LRRIQ1: variants seen among roughly 807,000 people sequenced by gnomAD.
LRRIQ1 encodes leucine-rich repeat- and IQ domain-containing protein 1.
LRRIQ1 carries 210 observed loss-of-function variants against 211.9 expected under a neutral mutation model. The observed-to-expected ratio is 0.99, with a 90% CI of 0.89 to 1.11. LRRIQ1 has a LOEUF of 1.11. LRRIQ1 is among the 50% of genes most tolerant of loss of function. The pLI is 0.00. For missense variants in LRRIQ1, 2,136 were observed against 1,939.5 expected, an observed-to-expected ratio of 1.10 and a Z score of -1.90; for synonymous variants, 699 against 650.1, an observed-to-expected ratio of 1.08 and a Z score of -1.14.
chr12:85,098,401 C>T lies in LRRIQ1; in HGVS notation c.2934C>T (p.His978=). The T allele has an allele frequency of 6.2e-7, 1 of 1,609,570 alleles. No individual in the cohort carries two copies. The highest frequency in any genetic ancestry group is 8.5e-7 in the Non-Finnish European group (1 of 1,177,996). The change falls in exon 12 of 27, where the codon CAC becomes CAT. Residue 978 remains histidine (H), a synonymous_variant. Transcript: ENST00000393217. ...LKNLQQLILD[H]NQLINTKGLC... ...ATCTTCAACAACTAATTTTGGACCACAATCAGTTAATTAATACAAAAGGTC... is the reference window on the plus strand; with the variant it reads ...ATCTTCAACAACTAATTTTGGACCATAATCAGTTAATTAATACAAAAGGTC...
At chr12:85,208,469 A>G (rs1303465597) in intron 24 of LRRIQ1, among the ~76,000 whole-genome samples, 1 of 152,134 alleles carries the variant, frequency 6.6e-6, no homozygotes, top group Non-Finnish European at 1.5e-5. Flanking sequence ...ATCTCAGGAA[A>G]TAAGCCACAA....
At chr12:85,153,367 ATG>A (rs1890353631) in intron 21 of LRRIQ1, among the ~76,000 whole-genome samples, 1 of 151,568 alleles carries the variant, frequency 6.6e-6, no homozygotes, top group African/African-American at 2.4e-5. Context: ...CAGGGAAACA[ATG>A]TAATTAATTA....
At chr12:85,118,453 A>G (rs926398699) in intron 15 of LRRIQ1, among the ~76,000 whole-genome samples, 1 of 146,904 alleles carries the variant, frequency 6.8e-6, no homozygotes, top group African/African-American at 2.5e-5. Context: ...GAGGGAGCAG[A>G]GTGGGGGTTG....
intron 15 of LRRIQ1, among the ~76,000 whole-genome samples, chr12:85,118,677 T>G (rs1887759867): frequency 6.6e-6 from 1 of 152,104 alleles, no homozygotes; most frequent in Admixed American, 6.6e-5. Context: ...TTGTAATACA[T>G]ATACATATGC....
intron 24 of LRRIQ1, among the ~76,000 whole-genome samples, chr12:85,173,263 T>C (rs1592921995): frequency 6.6e-6 from 1 of 152,192 alleles, no homozygotes; most frequent in African/African-American, 2.4e-5. Context: ...CCAGGCTTAT[T>C]TGAGATTCTT....
chr12:85,204,393 G>A (rs949840369), intron 24 of LRRIQ1, among the ~76,000 whole-genome samples: 1 of 152,206 alleles, frequency 6.6e-6, no homozygotes, highest in African/African-American at 2.4e-5. Context: ...ATAGCTGTGA[G>A]AAGAGGGCCA....
intron 1 of LRRIQ1, among the ~76,000 whole-genome samples, chr12:85,261,866 C>T (rs910029355): frequency 4.6e-5 from 7 of 151,504 alleles, no homozygotes; most frequent in African/African-American, 1.5e-4. Context: ...CTCGGCTCAC[C>T]GCAACCCTCC....
rs548126757 is a variant in LRRIQ1, at chr12:85,128,313, A to G, written c.4209+280A>G. On this transcript the variant is annotated intron_variant, in intron 18 of 26. Transcript: ENST00000393217. ...CACACAACCATATTTAAAACTTCTC[A>G]TCAAGGCAGGATGTGGTGGCTCAAG... is the stretch of plus-strand genomic sequence containing the variant. Among the ~76,000 whole-genome samples, 20 of 152,284 alleles carry G rather than the reference A, an allele frequency of 1.3e-4. 2 individuals are homozygous for G. Among genetic ancestry groups the G allele is most frequent in the African/African-American group, 4.8e-4 (20 of 41,574 alleles).
chr12:85,039,965 A>G (rs1878668132), intron 2 of LRRIQ1, among the ~76,000 whole-genome samples: 1 of 151,602 alleles, frequency 6.6e-6, no homozygotes, highest in Non-Finnish European at 1.5e-5. Flanking sequence ...ATATTTAGCT[A>G]TTTAGAAAAT....
Position 85,059,675 on chromosome 12 carries a change from G to A in LRRIQ1, c.2391+2491G>A, listed in dbSNP as rs536342111. 1.5e-3 allele frequency among the ~76,000 whole-genome samples: 222 copies of A among 152,026 alleles called. 1 individual carries two copies. The highest frequency in any genetic ancestry group is 2.5e-3 in the Non-Finnish European group (170 of 67,950). ...TAATGACTTTCATTACCTGATTATAGGATGGATGAGTGGGGGGATGAATCA... is the reference window on the plus strand; with the variant it reads ...TAATGACTTTCATTACCTGATTATAAGATGGATGAGTGGGGGGATGAATCA... On this transcript the variant is annotated intron_variant, in intron 8 of 26. Transcript: ENST00000393217.
intron 24 of LRRIQ1, among the ~76,000 whole-genome samples, chr12:85,225,351 GTAAAC>G (rs1211656862): frequency 6.6e-6 from 1 of 152,014 alleles, no homozygotes; most frequent in Non-Finnish European, 1.5e-5. Context: ...AACTATGTGT[GTAAAC>G]TAAAGTCAAA....
At position 85,172,457 on chromosome 12, in the gene LRRIQ1, A is replaced by G. The variant is rs111569311; in HGVS notation, c.4822+11743A>G. 2.5e-4 allele frequency among the ~76,000 whole-genome samples: 38 copies of G among 152,332 alleles called. 1 individual carries two copies. The highest frequency in any genetic ancestry group is 9.1e-4 in the African/African-American group (38 of 41,586). On this transcript the variant is annotated intron_variant, in intron 24 of 26. Coordinates refer to ENST00000393217, the MANE Select transcript of LRRIQ1 (RefSeq NM_001079910.2). ...GTTAAATCTTGCATAGACACTCACT[A>G]GCTAAATACTCCATGTCCTGTTTTT...
intron 24 of LRRIQ1, among the ~76,000 whole-genome samples, chr12:85,173,299 T>C (rs1005325597): frequency 6.6e-6 from 1 of 152,174 alleles, no homozygotes; most frequent in Non-Finnish European, 1.5e-5. Flanking sequence ...CTAAGAGTAA[T>C]TGTAGGAATG....
chr12:85,220,291 T>A (rs987162887), intron 24 of LRRIQ1, among the ~76,000 whole-genome samples: 5 of 152,098 alleles, frequency 3.3e-5, no homozygotes, highest in Admixed American at 3.3e-4. Flanking sequence ...ATGGGAAAGT[T>A]GCCATAAGTA....
chr12:85,214,431 T>C (rs1203096550), intron 24 of LRRIQ1, among the ~76,000 whole-genome samples: 3 of 152,126 alleles, frequency 2.0e-5, no homozygotes, highest in African/African-American at 4.8e-5. Flanking sequence ...GAATTCACCA[T>C]ATCAAACACC....
Position 85,055,792 on chromosome 12 carries a change from A to G in LRRIQ1, c.999A>G (p.Glu333=). ...EKEAKIRQKE[E]ENRKRLEEEQ... is the part of the protein sequence containing the mutation. ...AAGCAAAAATACGACAAAAGGAGGAAGAAAATCGAAAAAGATTAGAGGAGG... is the reference window on the plus strand; with the variant it reads ...AAGCAAAAATACGACAAAAGGAGGAGGAAAATCGAAAAAGATTAGAGGAGG... Residue 333 remains glutamate (E), a synonymous_variant, in exon 8 of 27, where the codon GAA becomes GAG. Coordinates refer to ENST00000393217, the MANE Select transcript of LRRIQ1 (RefSeq NM_001079910.2). The G allele has an allele frequency of 6.2e-7, 1 of 1,601,628 alleles. No homozygotes were observed. Among genetic ancestry groups the G allele is most frequent in the Non-Finnish European group, 8.5e-7 (1 of 1,172,434 alleles).
At chr12:85,269,616 A>G in the LRRIQ1 span, among the ~76,000 whole-genome samples, 1 of 152,142 alleles carries the variant, frequency 6.6e-6, no homozygotes, top group African/African-American at 2.4e-5. Context: ...TTTCCTCACA[A>G]GAATATTGAT....
intron 24 of LRRIQ1, among the ~76,000 whole-genome samples, chr12:85,223,009 A>G (rs555135397): frequency 3.0e-4 from 45 of 152,324 alleles, no homozygotes; most frequent in African/African-American, 1.0e-3. Context: ...TACTTAAAGA[A>G]TAAGTAGCCA....
At chr12:85,206,190 G>A (rs1434347252) in intron 24 of LRRIQ1, among the ~76,000 whole-genome samples, 2 of 152,202 alleles carry the variant, frequency 1.3e-5, no homozygotes, top group Non-Finnish European at 2.9e-5. Flanking sequence ...GGCAGTGTTA[G>A]TAATGGCAGT....
Sources: gnomAD v4.1 joint callset for allele counts (sites outside exome capture counted in the v4.1 genomes callset) on GRCh38, gnomAD v4.1.1 for gene constraint, MANE v1.5 for transcripts, NCBI Gene and HGNC (gene_info 2026-07-23, HGNC 2026-07-21) for gene names.